Variants in TLE1 observed in about 807,000 individuals in gnomAD.
The protein encoded by TLE1 is TLE family member 1, transcriptional corepressor.
A neutral mutation model predicts 89.8 loss-of-function variants in TLE1; 21 were observed. The ratio of observed to expected loss-of-function variants is 0.23; its 90% confidence interval spans 0.17 to 0.34. The LOEUF is 0.34. TLE1 is among the 10% of genes least tolerant of loss of function. The probability of loss-of-function intolerance (pLI) is 1.00; values close to 1 mark genes in which losing one functional copy is unlikely to be tolerated. For missense variants in TLE1, 795 were observed against 1,031.2 expected, an observed-to-expected ratio of 0.77 and a Z score of 3.14; for synonymous variants, 447 against 407.6, an observed-to-expected ratio of 1.10 and a Z score of -1.16.
chr9:81,665,862 A>T (rs1234104613), intron 4 of TLE1, among the ~76,000 whole-genome samples: 9 of 147,316 alleles, frequency 6.1e-5, no homozygotes, highest in East Asian at 4.0e-4. Context: ...GGCTGCCCTC[A>T]TTTTTTTTTT....
chr9:81,661,567 CTGATCTTCTGGTTTCTTTG>C, intron 4 of TLE1, among the ~76,000 whole-genome samples: 1 of 152,114 alleles, frequency 6.6e-6, no homozygotes, highest in African/African-American at 2.4e-5. Context: ...GGCTGGCAAA[CTGATCTTCTGGTTTCTTTG>C]AACCAAGCGG....
At chr9:81,598,712 T>C (rs1418747446) in intron 14 of TLE1, among the ~76,000 whole-genome samples, 3 of 150,616 alleles carry the variant, frequency 2.0e-5, no homozygotes, top group African/African-American at 7.2e-5. Flanking sequence ...CACTAAGAGA[T>C]GGTAGCAGTT....
chr9:81,687,464 G>A (rs754660028), intron 1 of TLE1, 30 bp from the exon 2 acceptor site: 29 of 1,555,544 alleles, frequency 1.9e-5, no homozygotes, highest in South Asian at 5.7e-5. Context: ...GGGACCGAGG[G>A]ACGGGAATGC....
intron 16 of TLE1, among the ~76,000 whole-genome samples, chr9:81,588,489 G>A (rs558495057): frequency 7.2e-4 from 110 of 152,306 alleles, no homozygotes; most frequent in Admixed American, 2.5e-3. Context: ...CAGAGACACA[G>A]GTAATTGCTG....
chr9:81,616,957 T>C (rs1824598392), intron 9 of TLE1, among the ~76,000 whole-genome samples: 1 of 152,204 alleles, frequency 6.6e-6, no homozygotes, highest in Non-Finnish European at 1.5e-5. Context: ...ACAACTTGTT[T>C]ACAGGTGATG....
intron 4 of TLE1, among the ~76,000 whole-genome samples, chr9:81,676,203 C>T (rs1245702315): frequency 6.6e-6 from 1 of 152,016 alleles, no homozygotes; most frequent in East Asian, 1.9e-4. Flanking sequence ...ACAACTACCA[C>T]TACACATAAG....
At chr9:81,599,826 T>G (rs998920573) in intron 14 of TLE1, 7 of 360,572 alleles carry the variant, frequency 1.9e-5, no homozygotes, top group African/African-American at 1.4e-4. Context: ...ACAACTAACT[T>G]GAAAGTAGCA....
chr9:81,590,486 G>T (rs923870328), intron 16 of TLE1, among the ~76,000 whole-genome samples: 2 of 152,168 alleles, frequency 1.3e-5, no homozygotes, highest in Admixed American at 1.3e-4. Flanking sequence ...GGCCTTTTGT[G>T]CTGCCGTGTA....
chr9:81,620,933 T>C (rs761086976), intron 8 of TLE1: 1 of 523,572 alleles, frequency 1.9e-6, no homozygotes, highest in Non-Finnish European at 3.7e-6. Context: ...TTGAGATTAC[T>C]CTATTAGACA....
intron 6 of TLE1, among the ~76,000 whole-genome samples, chr9:81,643,411 T>G (rs1828419256): frequency 6.6e-6 from 1 of 151,826 alleles, no homozygotes; most frequent in Non-Finnish European, 1.5e-5. Flanking sequence ...TAATTTTGCA[T>G]TTTTAGTAGA....
At chr9:81,665,901 A>G (rs1259603544) in intron 4 of TLE1, among the ~76,000 whole-genome samples, 3 of 150,580 alleles carry the variant, frequency 2.0e-5, no homozygotes, top group African/African-American at 7.3e-5. Flanking sequence ...ATTTTCCAAG[A>G]TGAAGTTGAG....
intron 4 of TLE1, among the ~76,000 whole-genome samples, chr9:81,669,707 C>T (rs1396874832): frequency 6.6e-6 from 1 of 152,122 alleles, no homozygotes; most frequent in East Asian, 1.9e-4. Flanking sequence ...CCCAAGTGTC[C>T]AATTAAAGCT....
In TLE1 at chr9:81,591,016, G is replaced by C. The variant is rs200982473; in HGVS notation, c.1618C>G (p.Pro540Ala). ...CCCACTATGAGAGTGCAGCCATCGG[G>C]TAGCAATTTACAGGAACGGATATAA... ...DNYIRSCKLL[P>A]DGCTLIVGGE... Residue 540 changes from proline (P) to alanine (A), a missense_variant, in exon 16 of 20, where the codon CCC (proline) becomes GCC (alanine). Pro to Ala is a conservative substitution (Grantham distance 27). Coordinates refer to ENST00000376499, the MANE Select transcript of TLE1 (RefSeq NM_005077.5). 7.4e-6 allele frequency: 12 copies of C among 1,614,240 alleles called. No individual in the cohort carries two copies. The highest frequency in any genetic ancestry group is 8.5e-6 in the Non-Finnish European group (10 of 1,180,036).
intron 4 of TLE1, among the ~76,000 whole-genome samples, chr9:81,670,228 G>C (rs1249558084): frequency 1.3e-5 from 2 of 152,146 alleles, no homozygotes; most frequent in Non-Finnish European, 2.9e-5. Context: ...ATATTAACCA[G>C]TATGCGACAA....
At chr9:81,676,856 T>C (rs72747300) in intron 4 of TLE1, among the ~76,000 whole-genome samples, 15,092 of 152,308 alleles carry the variant, frequency 0.099, 773 homozygotes, top group South Asian at 0.17. Flanking sequence ...CAATGGAATG[T>C]GTGCTGACAT....
At chr9:81,619,442 T>C (rs931999805) in intron 9 of TLE1, among the ~76,000 whole-genome samples, 1 of 152,126 alleles carries the variant, frequency 6.6e-6, no homozygotes, top group African/African-American at 2.4e-5. Context: ...AAATAATCCA[T>C]GAAAAAATCA....
chr9:81,683,943 G>T (rs1416865840), intron 4 of TLE1, among the ~76,000 whole-genome samples: 1 of 151,964 alleles, frequency 6.6e-6, no homozygotes, highest in Non-Finnish European at 1.5e-5. Flanking sequence ...TAACCTACAG[G>T]AACCCAGAAG....
rs766956470 is a variant in TLE1 at position 81,609,941 on chromosome 9, G to A, written c.1331+279C>T. Among the ~76,000 whole-genome samples, 10 of 152,194 alleles carry A rather than the reference G, an allele frequency of 6.6e-5. No homozygotes were observed. The East Asian group carries it at 9.6e-4, about 15-fold the overall frequency. On this transcript the variant is annotated intron_variant, in intron 14 of 19. Coordinates refer to ENST00000376499, the MANE Select transcript of TLE1 (RefSeq NM_005077.5). Reference sequence around the variant, plus strand: ...AGAGCAGCTTTCTGAGGGGTCAGGCGAAGAGGGCCAGCCACCTCCAGCTCT... The same window carrying A: ...AGAGCAGCTTTCTGAGGGGTCAGGCAAAGAGGGCCAGCCACCTCCAGCTCT...
chr9:81,628,937 A>T (rs1826234770), intron 8 of TLE1, among the ~76,000 whole-genome samples: 1 of 152,160 alleles, frequency 6.6e-6, no homozygotes, highest in Non-Finnish European at 1.5e-5. Flanking sequence ...GGACCCACCC[A>T]GTCCATCCAT....
Sources: allele counts gnomAD v4.1 joint callset (sites outside exome capture counted in the v4.1 genomes callset), GRCh38; gene constraint gnomAD v4.1.1; transcripts MANE v1.5; gene names NCBI Gene and HGNC (gene_info 2026-07-23, HGNC 2026-07-21).